KLHL2: variants seen among roughly 807,000 people sequenced by gnomAD.
The protein encoded by KLHL2 is kelch like family member 2.
Under a neutral mutation model 75.8 loss-of-function variants are expected in KLHL2, and 15 were observed. That is an observed-to-expected ratio of 0.20 (90% CI 0.13 to 0.30). The LOEUF is 0.30. KLHL2 is among the 10% of genes least tolerant of loss of function. KLHL2 has a pLI of 1.00. For missense variants in KLHL2, 381 were observed against 741.0 expected, an observed-to-expected ratio of 0.51 and a Z score of 5.64; for synonymous variants, 214 against 251.9, an observed-to-expected ratio of 0.85 and a Z score of 1.42.
chr4:165,251,914 G>A (rs1190478398), intron 4 of KLHL2, among the ~76,000 whole-genome samples: 2 of 152,164 alleles, frequency 1.3e-5, no homozygotes, highest in Non-Finnish European at 1.5e-5. Context: ...CGGCCCCAAA[G>A]TGGTTTTTAA....
intron 2 of KLHL2, among the ~76,000 whole-genome samples, chr4:165,225,759 C>T: frequency 6.6e-6 from 1 of 152,178 alleles, no homozygotes; most frequent in East Asian, 1.9e-4. Flanking sequence ...TGTTAGCTCT[C>T]TCATCTCTGA....
intron 5 of KLHL2, among the ~76,000 whole-genome samples, chr4:165,271,383 TC>T (rs1248699831): frequency 8.5e-5 from 13 of 152,200 alleles, no homozygotes; most frequent in African/African-American, 2.7e-4. Context: ...TTAAATATAT[TC>T]CTAAGTATTT....
At chr4:165,223,944 T>C (rs1207414609) in intron 2 of KLHL2, 6 of 451,366 alleles carry the variant, frequency 1.3e-5, no homozygotes, top group South Asian at 9.3e-5. Context: ...CGAGACAATC[T>C]CACTCTGCCA....
chr4:165,223,370 C>A (rs1429492317), intron 2 of KLHL2, among the ~76,000 whole-genome samples: 5 of 152,164 alleles, frequency 3.3e-5, no homozygotes, highest in African/African-American at 7.2e-5. Context: ...CAAAAGAATT[C>A]TCATGGGGAA....
chr4:165,277,473 G>A (rs577605152), intron 5 of KLHL2, among the ~76,000 whole-genome samples: 113 of 152,260 alleles, frequency 7.4e-4, no homozygotes, highest in Non-Finnish European at 1.3e-3. Context: ...AGGTGTTTCC[G>A]TCTTCTACTA....
chr4:165,209,960 CGT>C, intron 1 of KLHL2: 1 of 1,427,862 alleles, frequency 7.0e-7, no homozygotes, highest in South Asian at 1.5e-5. Context: ...CCATGGATCC[CGT>C]GTGCCGGATT....
chr4:165,236,371 A>G (rs1739348859), intron 3 of KLHL2, among the ~76,000 whole-genome samples: 1 of 152,160 alleles, frequency 6.6e-6, no homozygotes, highest in Non-Finnish European at 1.5e-5. Context: ...ATCATTGGGT[A>G]GCCTAGTTTT....
rs538051376 is a variant in KLHL2 at position 165,235,294 on chromosome 4, G to A, written c.260-3484G>A. Among the ~76,000 whole-genome samples the A allele has an allele frequency of 3.9e-5, 6 of 152,322 alleles. No homozygotes were observed. The South Asian group carries it at 6.2e-4, about 16-fold the overall frequency. On this transcript the variant is annotated intron_variant, in intron 3 of 14. Transcript: ENST00000226725. ...TAGCTCACTGTAACCTCCACCTCCC[G>A]GGTTCATGCAATTCTCCTGCCTCAG...
rs1746081420 is a variant in KLHL2, at chr4:165,310,554, C to T, written c.1041C>T (p.Gly347=). 2 of 1,613,366 alleles carry T rather than the reference C, an allele frequency of 1.2e-6. No individual in the cohort carries two copies. Among genetic ancestry groups the T allele is most frequent in the Non-Finnish European group, 1.7e-6 (2 of 1,179,448 alleles). ...TTAAATGCTGTACTCCTTTTGCAGG[C>T]ATGGTCTACATGGCTGGACTTGTTT... ...AELPSRRCRA[G]MVYMAGLVFA... Residue 347 remains glycine (G), a splice_region_variant and synonymous_variant, in exon 10 of 15, where the codon GGC becomes GGT. Transcript: ENST00000226725.
At chr4:165,289,070 CTT>C (rs991867940) in intron 5 of KLHL2, among the ~76,000 whole-genome samples, 18 of 152,216 alleles carry the variant, frequency 1.2e-4, no homozygotes, top group African/African-American at 4.3e-4. Context: ...CTTAGAGTGA[CTT>C]TGCCAGTCAT....
At chr4:165,248,480 A>G (rs1740437515) in intron 4 of KLHL2, among the ~76,000 whole-genome samples, 1 of 152,196 alleles carries the variant, frequency 6.6e-6, no homozygotes. Flanking sequence ...GATAGTCCCA[A>G]TGAGGAAGGT....
At chr4:165,212,414 CT>C (rs746133215) in intron 1 of KLHL2, among the ~76,000 whole-genome samples, 4 of 152,134 alleles carry the variant, frequency 2.6e-5, no homozygotes, top group Non-Finnish European at 4.4e-5. Flanking sequence ...AATTCTTCCC[CT>C]GATGAGATAA....
intron 5 of KLHL2, among the ~76,000 whole-genome samples, chr4:165,274,036 G>T (rs1351779335): frequency 6.6e-6 from 1 of 151,950 alleles, no homozygotes; most frequent in African/African-American, 2.4e-5. Context: ...AGGGTGACAG[G>T]ACACAGTGGC....
intron 1 of KLHL2, among the ~76,000 whole-genome samples, chr4:165,212,179 A>C (rs1421493667): frequency 1.3e-5 from 2 of 152,166 alleles, no homozygotes; most frequent in Non-Finnish European, 2.9e-5. Context: ...ATATCTCAGA[A>C]AACAAAGTTC....
intron 5 of KLHL2, among the ~76,000 whole-genome samples, chr4:165,264,517 C>T (rs1443866097): frequency 6.6e-6 from 1 of 150,428 alleles, no homozygotes; most frequent in Admixed American, 6.7e-5. Flanking sequence ...ATAATGGCCT[C>T]CGGTTTCATC....
In KLHL2 at chr4:165,322,084, T is replaced by C; in HGVS notation, c.*24T>C. The C allele has an allele frequency of 6.2e-7, 1 of 1,605,746 alleles. No individual in the cohort carries two copies. The highest frequency in any genetic ancestry group is 1.7e-4 in the Middle Eastern group (1 of 6,048). On this transcript the variant is annotated 3_prime_UTR_variant, in exon 15 of 15. Transcript: ENST00000226725. Reference sequence around the variant, plus strand: ...GAGCCTGAAGGACATTTTCAGCATATTTATACATGAGAAACAGCCTTCAAC... The same window carrying C: ...GAGCCTGAAGGACATTTTCAGCATACTTATACATGAGAAACAGCCTTCAAC...
chr4:165,224,002 A>C (rs550721820), intron 2 of KLHL2: 150 of 437,810 alleles, frequency 3.4e-4, no homozygotes, highest in Admixed American at 3.1e-3. Flanking sequence ...GCAACCTCCG[A>C]CTCCTGGGTT....
intron 6 of KLHL2, among the ~76,000 whole-genome samples, chr4:165,295,576 GGGTGCCTTA>G (rs1317215673): frequency 6.6e-6 from 1 of 152,180 alleles, no homozygotes; most frequent in Non-Finnish European, 1.5e-5. Context: ...ATGCTGTAAA[GGGTGCCTTA>G]GGAGCATTTA....
chr4:165,294,978 A>T (rs1033585945), intron 6 of KLHL2, among the ~76,000 whole-genome samples: 2 of 152,116 alleles, frequency 1.3e-5, no homozygotes, highest in Admixed American at 1.3e-4. Context: ...CCTGTGACAT[A>T]ATACCTCACC....
Sources: gnomAD v4.1 joint callset for allele counts (sites outside exome capture counted in the v4.1 genomes callset) on GRCh38, gnomAD v4.1.1 for gene constraint, MANE v1.5 for transcripts, NCBI Gene and HGNC (gene_info 2026-07-23, HGNC 2026-07-21) for gene names.